The following SBF2 variants were observed in gnomAD, a reference collection of about 807,000 sequenced individuals.
The protein encoded by SBF2 is SET binding factor 2, also known as myotubularin-related protein 13.
Under a neutral mutation model 225.2 loss-of-function variants are expected in SBF2, and 112 were observed. The observed-to-expected ratio is 0.50, with a 90% CI of 0.43 to 0.58. The LOEUF (loss-of-function observed/expected upper bound fraction) is 0.58. Among genes scored for constraint, SBF2 ranks in the 20% least tolerant of loss-of-function variants. The pLI is 0.00. For missense variants in SBF2, 1,996 were observed against 2,206.2 expected (o/e 0.90, Z 1.91); for synonymous variants, 763 against 773.3 (o/e 0.99, Z 0.22).
intron 16 of SBF2, among the ~76,000 whole-genome samples, chr11:9,912,262 A>C (rs2134190824): frequency 7.2e-6 from 1 of 139,664 alleles, no homozygotes; most frequent in African/African-American, 2.7e-5. Context: ...CAGTGAGCCG[A>C]GATCACTCCA....
chr11:10,223,266 C>T (rs893474021), intron 1 of SBF2, among the ~76,000 whole-genome samples: 1 of 151,078 alleles, frequency 6.6e-6, no homozygotes, highest in African/African-American at 2.4e-5. Flanking sequence ...CCTTGAACAA[C>T]TTGGGAGTTA....
intron 16 of SBF2, among the ~76,000 whole-genome samples, chr11:9,944,408 G>A (rs1367010271): frequency 6.6e-6 from 1 of 152,070 alleles, no homozygotes; most frequent in East Asian, 1.9e-4. Flanking sequence ...CATTTCACAG[G>A]TCATACAATG....
At chr11:9,837,663 C>A (rs766395085) in intron 26 of SBF2, among the ~76,000 whole-genome samples, 1 of 152,044 alleles carries the variant, frequency 6.6e-6, no homozygotes, top group Non-Finnish European at 1.5e-5. Flanking sequence ...GGTAGTTTTG[C>A]GTGGTATATT....
intron 6 of SBF2, among the ~76,000 whole-genome samples, chr11:10,013,000 C>T (rs1948514834): frequency 6.6e-6 from 1 of 152,174 alleles, no homozygotes; most frequent in Admixed American, 6.5e-5. Context: ...CTACGTACTG[C>T]TGACCAATTT....
chr11:10,007,992 C>T (rs1195475051), intron 6 of SBF2, among the ~76,000 whole-genome samples: 1 of 152,172 alleles, frequency 6.6e-6, no homozygotes, highest in Non-Finnish European at 1.5e-5. Flanking sequence ...CATACTAGGG[C>T]AAATTCTGTC....
chr11:10,175,098 A>G (rs1244653602), intron 2 of SBF2, among the ~76,000 whole-genome samples: 6 of 150,692 alleles, frequency 4.0e-5, no homozygotes, highest in Non-Finnish European at 7.4e-5. Flanking sequence ...AAGAAACTGC[A>G]TCAACTAATG....
intron 16 of SBF2, among the ~76,000 whole-genome samples, chr11:9,907,652 G>A (rs1206704096): frequency 6.6e-6 from 1 of 152,118 alleles, no homozygotes; most frequent in African/African-American, 2.4e-5. Context: ...GTGAATGCTA[G>A]GCTTGACAAA....
chr11:10,155,995 C>T (rs1457478461), intron 2 of SBF2, among the ~76,000 whole-genome samples: 1 of 152,160 alleles, frequency 6.6e-6, no homozygotes, highest in African/African-American at 2.4e-5. Context: ...GGAGCCCCGC[C>T]CCCTACCAAG....
At chr11:9,944,066 A>G (rs944618780) in intron 16 of SBF2, among the ~76,000 whole-genome samples, 6 of 152,260 alleles carry the variant, frequency 3.9e-5, no homozygotes, top group Non-Finnish European at 8.8e-5. Flanking sequence ...ACATGTATGA[A>G]TATCATAAGC....
intron 16 of SBF2, among the ~76,000 whole-genome samples, chr11:9,906,728 T>A (rs1024428219): frequency 1.3e-5 from 2 of 152,224 alleles, no homozygotes; most frequent in African/African-American, 4.8e-5. Context: ...TCCCCTGTGC[T>A]TTGGCCAAAT....
chr11:9,926,353 C>T (rs1233056453), intron 16 of SBF2, among the ~76,000 whole-genome samples: 1 of 150,758 alleles, frequency 6.6e-6, no homozygotes, highest in Admixed American at 6.6e-5. Flanking sequence ...TTTTAACAAA[C>T]TACCATTGGA....
chr11:10,296,481 G>A (rs1017570193), upstream of SBF2, among the ~76,000 whole-genome samples: 7 of 152,102 alleles, frequency 4.6e-5, no homozygotes, highest in Non-Finnish European at 7.4e-5. Flanking sequence ...ACAACAGCAG[G>A]AGAAAGACCC....
At chr11:10,051,229 T>A (rs1950050702) in intron 2 of SBF2, among the ~76,000 whole-genome samples, 1 of 152,124 alleles carries the variant, frequency 6.6e-6, no homozygotes. Context: ...ACATTTAAAT[T>A]AAATGTGTCT....
chr11:10,060,228 C>T (rs974136609), intron 2 of SBF2, among the ~76,000 whole-genome samples: 5 of 151,986 alleles, frequency 3.3e-5, no homozygotes, highest in Non-Finnish European at 7.4e-5. Context: ...CAAAAATAAC[C>T]ATCAGAAACT....
intron 2 of SBF2, among the ~76,000 whole-genome samples, chr11:10,130,123 G>A (rs1953965011): frequency 6.6e-6 from 1 of 152,168 alleles, no homozygotes; most frequent in Non-Finnish European, 1.5e-5. Flanking sequence ...AGCACTTTGG[G>A]AGGCCGAGGT....
At chr11:9,891,923 T>C (rs556473352) in intron 17 of SBF2, among the ~76,000 whole-genome samples, 1 of 152,298 alleles carries the variant, frequency 6.6e-6, no homozygotes, top group African/African-American at 2.4e-5. Flanking sequence ...GCTAATGAAA[T>C]ATCCTGCTCA....
At chr11:10,112,111 A>G (rs1952894522) in intron 2 of SBF2, among the ~76,000 whole-genome samples, 1 of 152,242 alleles carries the variant, frequency 6.6e-6, no homozygotes, top group Non-Finnish European at 1.5e-5. Flanking sequence ...CATTCTACAC[A>G]TGATAAAGTT....
chr11:9,924,850 G>A (rs538390336), intron 16 of SBF2, among the ~76,000 whole-genome samples: 1 of 152,232 alleles, frequency 6.6e-6, no homozygotes, highest in Admixed American at 6.5e-5. Flanking sequence ...CCAGGCTCAG[G>A]CAATCCTCCC....
intron 17 of SBF2, among the ~76,000 whole-genome samples, chr11:9,869,562 A>T (rs2134043614): frequency 6.6e-6 from 1 of 152,318 alleles, no homozygotes; most frequent in African/African-American, 2.4e-5. Flanking sequence ...CAGATCAATA[A>T]ATGTGATATA....
Sources: allele counts gnomAD v4.1 joint callset (sites outside exome capture counted in the v4.1 genomes callset), GRCh38; gene constraint gnomAD v4.1.1; transcripts MANE v1.5; gene names NCBI Gene and HGNC (gene_info 2026-07-23, HGNC 2026-07-21).